Variants in MAP3K8 observed in about 807,000 individuals in gnomAD.
MAP3K8 encodes the protein mitogen-activated protein kinase kinase kinase 8, also known as Ewing sarcoma transformant.
In MAP3K8, 22 loss-of-function variants were observed where a neutral mutation model predicts 45.8. The ratio of observed to expected loss-of-function variants is 0.48; its 90% CI spans 0.34 to 0.69. The LOEUF (loss-of-function observed/expected upper bound fraction) is 0.69, where lower values mean the gene tolerates loss of function less well. Ranked by LOEUF, MAP3K8 falls within the 30% of genes least tolerant of loss-of-function variation. MAP3K8 has a pLI of 0.01. For missense variants in MAP3K8, 419 were observed against 585.0 expected (o/e 0.72, Z 2.93); for synonymous variants, 223 against 214.3 (o/e 1.04, Z -0.36).
In MAP3K8 at chr10:30,461,120, G is replaced by A; in HGVS notation, c.*284G>A. The A allele has an allele frequency of 3.0e-6, 1 of 329,956 alleles. No individual in the cohort carries two copies. The highest frequency in any genetic ancestry group is 5.5e-6 in the Non-Finnish European group (1 of 180,948). The allele number at this position is 329,956 out of a possible 1,614,324, so 20.4% of individuals were successfully genotyped here. A position where few individuals can be genotyped will look rare whatever the true frequency, so the allele number is the denominator to read the frequency against. On this transcript the variant is annotated 3_prime_UTR_variant, in exon 9 of 9. Coordinates refer to ENST00000263056, the MANE Select transcript of MAP3K8 (RefSeq NM_005204.4). ...GTGTCTGCTGACTGTTTCATTCACT[G>A]TGCACTTTGCTCAAAATTTTAAAAA...
chr10:30,434,653 G>A (rs1186132648), intron 1 of MAP3K8: 29 of 985,522 alleles, frequency 2.9e-5, no homozygotes, highest in Non-Finnish European at 3.4e-5. Flanking sequence ...GGCAGTGCTG[G>A]TCTGGGCAGT....
intron 6 of MAP3K8, among the ~76,000 whole-genome samples, chr10:30,453,915 AGAAG>A (rs56017896): frequency 0.41 from 52,392 of 128,862 alleles, 12,056 homozygotes; most frequent in Non-Finnish European, 0.53. Context: ...AGGGAGAGAG[AGAAG>A]GAAGGAAGGA....
At position 30,458,176 on chromosome 10, in the gene MAP3K8, G is replaced by A. The variant is rs1257371069; in HGVS notation, c.966G>A (p.Thr322=). The A allele has an allele frequency of 1.0e-5, 16 of 1,586,770 alleles. No individual in the cohort carries two copies. The highest frequency in any genetic ancestry group is 3.5e-5 in the Admixed American group (2 of 56,388). ...SLGATLIHMQ[T]GTPPWVKRYP... ...GGGCCACGCTCATCCACATGCAGACGGGCACCCCACCCTGGGTGAAGCGCT... is the reference window on the plus strand; with the variant it reads ...GGGCCACGCTCATCCACATGCAGACAGGCACCCCACCCTGGGTGAAGCGCT... Residue 322 remains threonine (T), a synonymous_variant, in exon 7 of 9, where the codon ACG becomes ACA. Coordinates refer to ENST00000263056, the MANE Select transcript of MAP3K8 (RefSeq NM_005204.4).
At position 30,459,382 on chromosome 10, in the gene MAP3K8, A is replaced by T. The variant is rs1283465231; in HGVS notation, c.1154A>T (p.His385Leu). 2 of 1,614,132 alleles carry T rather than the reference A, an allele frequency of 1.2e-6. No individual in the cohort carries two copies. The highest frequency in any genetic ancestry group is 2.2e-5 in the East Asian group (1 of 44,872). ...HRPRAADLLKHEALNPPREDQ... is the reference protein window; with the variant it reads ...HRPRAADLLKLEALNPPREDQ... Reference sequence around the variant, plus strand: ...CCAAGAGCCGCAGACCTACTAAAACATGAGGCCCTGAACCCGCCCAGAGAG... The same window carrying T: ...CCAAGAGCCGCAGACCTACTAAAACTTGAGGCCCTGAACCCGCCCAGAGAG... Residue 385 changes from histidine (H) to leucine (L), a missense_variant, in exon 8 of 9, where the codon CAT becomes CTT. By Grantham distance (99) the His-to-Leu change is moderately conservative. Around this residue, in one of 3 missense-constraint regions of MAP3K8, gnomAD observed 108 missense variants for 124.2 expected, o/e 0.87. Coordinates refer to ENST00000263056, the MANE Select transcript of MAP3K8 (RefSeq NM_005204.4).
chr10:30,452,424 G>A (rs562960785), intron 6 of MAP3K8, among the ~76,000 whole-genome samples: 3 of 151,818 alleles, frequency 2.0e-5, no homozygotes, highest in South Asian at 2.1e-4. Context: ...AGCCGAGATC[G>A]TGCCATTGCA....
chr10:30,439,371 C>A, intron 3 of MAP3K8, 97 bp downstream of exon 3: 1 of 1,513,852 alleles, frequency 6.6e-7, no homozygotes, highest in Non-Finnish European at 8.9e-7. Flanking sequence ...CTTAGATGGG[C>A]TGGCAGGCAT....
chr10:30,447,387 A>T (rs1332778368), intron 3 of MAP3K8, among the ~76,000 whole-genome samples: 1 of 152,190 alleles, frequency 6.6e-6, no homozygotes, highest in East Asian at 1.9e-4. Flanking sequence ...AGTAATAGCT[A>T]TGTGGACTAA....
rs182807011 is a variant in MAP3K8, at chr10:30,461,666, T to C, written c.*830T>C. ...TTAAAATAGCATACTGTGTATGTTT[T>C]ATATCAAATGCCTTCATGAATCTTT... On this transcript the variant is annotated 3_prime_UTR_variant, in exon 9 of 9. Transcript: ENST00000263056. The C allele has an allele frequency of 2.7e-5, 5 of 185,360 alleles. No individual in the cohort carries two copies. The Admixed American group carries it at 3.1e-4, about 12-fold the overall frequency. The allele number at this position is 185,360 out of a possible 1,614,324, so 11.5% of individuals were successfully genotyped here.
chr10:30,459,614 G>A, intron 8 of MAP3K8, 113 bp downstream of exon 8: 2 of 1,243,198 alleles, frequency 1.6e-6, no homozygotes, highest in Non-Finnish European at 2.2e-6. Flanking sequence ...GACTTCTTGA[G>A]TACCATACCT....
intron 6 of MAP3K8, among the ~76,000 whole-genome samples, chr10:30,452,853 T>C (rs1836598541): frequency 6.6e-6 from 1 of 151,886 alleles, no homozygotes; most frequent in Admixed American, 6.6e-5. Flanking sequence ...TTTTTTTTTT[T>C]TTTCAGTAGA....
At chr10:30,450,931 A>C (rs1654128150) in intron 5 of MAP3K8, among the ~76,000 whole-genome samples, 1 of 151,468 alleles carries the variant, frequency 6.6e-6, no homozygotes, top group African/African-American at 2.4e-5. Flanking sequence ...AAAATACAAA[A>C]AAAAAAAAAA....
At chr10:30,447,741 G>T (rs746512703) in intron 3 of MAP3K8, 41 bp from the exon 4 acceptor site, 29 of 1,571,136 alleles carry the variant, frequency 1.8e-5, no homozygotes, top group Non-Finnish European at 2.2e-5. Flanking sequence ...AAGCCAGCTT[G>T]ACTGAAGTTC....
intron 1 of MAP3K8, 200 bp downstream of exon 1, chr10:30,434,578 GTC>G (rs1356549519): frequency 9.1e-6 from 9 of 985,858 alleles, no homozygotes; most frequent in Non-Finnish European, 1.1e-5. Context: ...TTGCGCAAGG[GTC>G]TCACGGGGTG....
intron 6 of MAP3K8, 142 bp from the exon 7 acceptor site, chr10:30,457,942 A>C: frequency 1.6e-6 from 1 of 628,788 alleles, no homozygotes; most frequent in South Asian, 3.5e-5. Flanking sequence ...CACCTCCAGC[A>C]ATTGCTGCAT....
intron 8 of MAP3K8, among the ~76,000 whole-genome samples, chr10:30,459,851 C>A (rs759151686): frequency 9.4e-5 from 14 of 149,504 alleles, no homozygotes; most frequent in Non-Finnish European, 1.6e-4. Context: ...CTTTTTTTTT[C>A]TTTTTTTTTG....
At chr10:30,456,188 T>C (rs772698203) in intron 6 of MAP3K8, among the ~76,000 whole-genome samples, 1 of 152,236 alleles carries the variant, frequency 6.6e-6, no homozygotes, top group Non-Finnish European at 1.5e-5. Flanking sequence ...TCTTTTTCTT[T>C]TTTATTTGAT....
At chr10:30,451,225 T>A (rs1318250173) in intron 5 of MAP3K8, among the ~76,000 whole-genome samples, 2 of 152,160 alleles carry the variant, frequency 1.3e-5, no homozygotes, top group East Asian at 3.8e-4. Context: ...TTACTAACTG[T>A]TTTCTAGGAG....
intron 6 of MAP3K8, among the ~76,000 whole-genome samples, chr10:30,457,180 T>C (rs1564373677): frequency 6.6e-6 from 1 of 152,122 alleles, no homozygotes; most frequent in Non-Finnish European, 1.5e-5. Context: ...TAAATGCTCG[T>C]TAGAGAAACT....
Position 30,447,675 on chromosome 10 carries a change from CTG to C in MAP3K8, c.337-103_337-102del, listed in dbSNP as rs1160958036. On this transcript the variant is annotated intron_variant, in intron 3 of 8. Transcript: ENST00000263056. Reference sequence around the variant, plus strand: ...AAGCACAGTGACATTAATTTCATAACTGTGTATCAGAATGCTGCTAAAATAAC... The same window carrying C: ...AAGCACAGTGACATTAATTTCATAACTGTATCAGAATGCTGCTAAAATAAC... The C allele has an allele frequency of 3.7e-6, 3 of 815,752 alleles. No individual in the cohort carries two copies. The East Asian group carries it at 7.3e-5, about 20-fold the overall frequency. 50.5% of individuals were successfully genotyped at this position (815,752 alleles called of 1,614,324 possible). A position where few individuals can be genotyped will look rare whatever the true frequency, so the allele number is the denominator to read the frequency against.
Sources: gnomAD v4.1 joint callset for allele counts (sites outside exome capture counted in the v4.1 genomes callset) on GRCh38, gnomAD v4.1.1 for gene constraint, gnomAD v4.1.1 regional missense constraint, MANE v1.5 for transcripts, NCBI Gene and HGNC (gene_info 2026-07-23, HGNC 2026-07-21) for gene names.